TMC5: variants seen among roughly 807,000 people sequenced by gnomAD.
TMC5 encodes transmembrane channel like 5, also known as transmembrane channel-like protein 5.
Under a neutral mutation model 110.5 loss-of-function variants are expected in TMC5, and 86 were observed. The ratio of observed to expected loss-of-function variants is 0.78; its 90% confidence interval spans 0.65 to 0.93. The LOEUF (loss-of-function observed/expected upper bound fraction) is 0.93. TMC5 is among the 40% of genes least tolerant of loss of function. The pLI is 0.00. For synonymous variants in TMC5, 455 were observed against 439.5 expected (o/e 1.04, Z -0.44); for missense variants, 1,144 against 1,222.8 (o/e 0.94, Z 0.96).
At chr16:19,433,976 T>C (rs1967246824) in intron 2 of TMC5, among the ~76,000 whole-genome samples, 1 of 136,428 alleles carries the variant, frequency 7.3e-6, no homozygotes, top group Non-Finnish European at 1.5e-5. Context: ...TGTACTACCA[T>C]GCCCAGCTAA....
chr16:19,460,121 C>T, intron 5 of TMC5, 114 bp from the exon 6 acceptor site: 1 of 645,838 alleles, frequency 1.5e-6, no homozygotes, highest in Non-Finnish European at 2.5e-6. Context: ...TTTGAGATCC[C>T]CAACTCCATA....
intron 19 of TMC5, 66 bp downstream of exon 19, chr16:19,492,294 C>T: frequency 8.7e-7 from 1 of 1,153,836 alleles, no homozygotes. Flanking sequence ...AAACATCCTC[C>T]AAAATAAAGA....
intron 2 of TMC5, among the ~76,000 whole-genome samples, chr16:19,434,509 G>T (rs1265991414): frequency 7.2e-6 from 1 of 138,408 alleles, no homozygotes; most frequent in African/African-American, 2.8e-5. Context: ...GAGAGAGAGA[G>T]ATGGGGGTCT....
intron 10 of TMC5, among the ~76,000 whole-genome samples, chr16:19,471,551 A>T (rs1968341810): frequency 6.6e-6 from 1 of 152,188 alleles, no homozygotes; most frequent in South Asian, 2.1e-4. Flanking sequence ...AGATGGAAGC[A>T]GTGTTTGGAG....
chr16:19,474,241 G>A lies in TMC5; in HGVS notation c.2055G>A (p.Glu685=). 6.2e-7 allele frequency: 1 copy of A among 1,614,150 alleles called. No individual in the cohort carries two copies. The highest frequency in any genetic ancestry group is 8.5e-7 in the Non-Finnish European group (1 of 1,180,000). ...TGTTCAGGCTTGTGGAGAGGTACGA[G>A]ATGCCACGGCACGAAGTCTACGTTC... ...YSMFRLVERY[E]MPRHEVYVLL... is the part of the protein sequence containing the mutation. The change falls in exon 12 of 22, where the codon GAG becomes GAA. Residue 685 remains glutamate (E), a synonymous_variant. Transcript: ENST00000542583.
At position 19,497,127 on chromosome 16, in the gene TMC5, G is replaced by T. The variant is rs201597255; in HGVS notation, c.2938G>T (p.Gly980Cys). The T allele has an allele frequency of 1.9e-6, 3 of 1,613,766 alleles. No individual in the cohort carries two copies. The highest frequency in any genetic ancestry group is 2.5e-6 in the Non-Finnish European group (3 of 1,179,962). Residue 980 changes from glycine to cysteine, a missense_variant, in exon 21 of 22, where the codon GGC becomes TGC. Physicochemically the swap from Gly to Cys is radical, Grantham distance 159 (BLOSUM62 -3). Transcript: ENST00000542583. ...VLERREVEQQGFLHLGEHDGS... is the reference protein window; with the variant it reads ...VLERREVEQQCFLHLGEHDGS... ...TTGTTTTTTTCTTTTTCAGCAACAA[G>T]GCTTTTTGCATTTGGGGGAACATGA...
At chr16:19,489,216 G>C (rs374476562) in intron 17 of TMC5, among the ~76,000 whole-genome samples, 86 of 152,186 alleles carry the variant, frequency 5.7e-4, no homozygotes, top group African/African-American at 2.0e-3. Context: ...CTGCCACCCA[G>C]GCAGGAATGC....
At chr16:19,439,516 C>G (rs921901082) in intron 2 of TMC5, among the ~76,000 whole-genome samples, 2 of 152,132 alleles carry the variant, frequency 1.3e-5, no homozygotes, top group Non-Finnish European at 2.9e-5. Flanking sequence ...GTGGTTTAAA[C>G]AAGATAATTT....
chr16:19,435,933 A>G (rs1967334225), intron 2 of TMC5, among the ~76,000 whole-genome samples: 1 of 152,164 alleles, frequency 6.6e-6, no homozygotes, highest in South Asian at 2.1e-4. Context: ...CCGTTGAATG[A>G]CATTCAAGTT....
chr16:19,483,247 T>G (rs1298097969), intron 15 of TMC5, among the ~76,000 whole-genome samples: 1 of 152,178 alleles, frequency 6.6e-6, no homozygotes, highest in African/African-American at 2.4e-5. Flanking sequence ...AGCCTCAACC[T>G]CCTGAGCTCA....
chr16:19,456,516 T>A, intron 5 of TMC5: 2 of 1,353,770 alleles, frequency 1.5e-6, no homozygotes, highest in Non-Finnish European at 1.9e-6. Context: ...ATGCAGGGAG[T>A]TATGTTGTGA....
chr16:19,462,365 A>G (rs1968045183), intron 6 of TMC5: 2 of 569,040 alleles, frequency 3.5e-6, no homozygotes, highest in Admixed American at 2.8e-5. Flanking sequence ...GTTTCCAGAC[A>G]TTGCCAATTG....
At position 19,477,116 on chromosome 16, in the gene TMC5, C is replaced by T. The variant is rs138101533; in HGVS notation, c.2091-324C>T. 121 of 225,292 alleles carry T rather than the reference C, an allele frequency of 5.4e-4. No homozygotes were observed. In the East Asian group the frequency reaches 0.016, roughly 29 times the overall value. The allele number at this position is 225,292 out of a possible 1,614,324, so 14.0% of individuals were successfully genotyped here. A position where few individuals can be genotyped will look rare whatever the true frequency, so the allele number is the denominator to read the frequency against. On this transcript the variant is annotated intron_variant, in intron 12 of 21. Coordinates refer to ENST00000542583, the MANE Select transcript of TMC5 (RefSeq NM_001261841.2). ...AAAAAAAATTAGCCAGGTGTGGTGG[C>T]GGGCGCCTGTAGTCCCAGCTACTCG... is the stretch of plus-strand genomic sequence containing the variant.
At chr16:19,485,126 T>A (rs543244177) in intron 15 of TMC5, among the ~76,000 whole-genome samples, 86 of 151,612 alleles carry the variant, frequency 5.7e-4, no homozygotes, top group African/African-American at 2.0e-3. Flanking sequence ...TTTTTTTTTT[T>A]TTTACTCAAA....
chr16:19,449,884 G>GT, intron 5 of TMC5, among the ~76,000 whole-genome samples: 1 of 152,254 alleles, frequency 6.6e-6, no homozygotes, highest in Middle Eastern at 3.4e-3. Flanking sequence ...CACCACGTTT[G>GT]TAAGTTTCCT....
chr16:19,489,557 A>G (rs1292998397), intron 17 of TMC5, among the ~76,000 whole-genome samples: 1 of 150,728 alleles, frequency 6.6e-6, no homozygotes, highest in Non-Finnish European at 1.5e-5. Flanking sequence ...GATGGTCTTG[A>G]TCTCCTGACC....
chr16:19,431,303 G>A (rs1244940731), intron 2 of TMC5, among the ~76,000 whole-genome samples: 2 of 152,134 alleles, frequency 1.3e-5, no homozygotes, highest in African/African-American at 2.4e-5. Flanking sequence ...CACTTTGGGA[G>A]GCCAAGGTGG....
chr16:19,488,246 A>T (rs1353427851), intron 17 of TMC5, among the ~76,000 whole-genome samples: 1 of 152,162 alleles, frequency 6.6e-6, no homozygotes, highest in Non-Finnish European at 1.5e-5. Flanking sequence ...AGACATGCTT[A>T]ATACAGTGCC....
intron 1 of TMC5, among the ~76,000 whole-genome samples, chr16:19,419,135 G>A (rs929664834): frequency 3.3e-5 from 5 of 152,132 alleles, no homozygotes; most frequent in Non-Finnish European, 7.3e-5. Flanking sequence ...CCTTGAGTGA[G>A]TTACTTAACC....
Sources: allele counts gnomAD v4.1 joint callset (sites outside exome capture counted in the v4.1 genomes callset), GRCh38; gene constraint gnomAD v4.1.1; transcripts MANE v1.5; gene names NCBI Gene and HGNC (gene_info 2026-07-23, HGNC 2026-07-21).